The following COP1 variants were observed in gnomAD, a reference collection of about 807,000 sequenced individuals.
The protein encoded by COP1 is COP1 E3 ubiquitin ligase.
Under a neutral mutation model 101.3 loss-of-function variants are expected in COP1, and 24 were observed. The ratio of observed to expected loss-of-function variants is 0.24; its 90% confidence interval spans 0.17 to 0.33. The LOEUF (loss-of-function observed/expected upper bound fraction) is 0.33. COP1 is among the 10% of genes least tolerant of loss of function. COP1 has a pLI of 1.00. For missense variants in COP1, 663 were observed against 906.2 expected, an observed-to-expected ratio of 0.73 and a Z score of 3.45; for synonymous variants, 347 against 341.9, an observed-to-expected ratio of 1.01 and a Z score of -0.17.
chr1:176,131,587 G>A (rs1688903956), intron 8 of COP1, among the ~76,000 whole-genome samples: 2 of 151,754 alleles, frequency 1.3e-5, no homozygotes, highest in Admixed American at 6.6e-5. Context: ...AAACTTTTTA[G>A]TGAGGAATAA....
At chr1:176,113,088 T>C (rs1685570744) in intron 9 of COP1, among the ~76,000 whole-genome samples, 1 of 152,186 alleles carries the variant, frequency 6.6e-6, no homozygotes, top group Non-Finnish European at 1.5e-5. Flanking sequence ...TGTTGGAACA[T>C]ATGACAGTTC....
At chr1:176,028,168 A>C (rs1484019948) in intron 14 of COP1, among the ~76,000 whole-genome samples, 4 of 152,182 alleles carry the variant, frequency 2.6e-5, no homozygotes, top group Non-Finnish European at 5.9e-5. Context: ...TCATAATTCA[A>C]GGTGAGATCT....
chr1:176,034,989 G>A (rs1669236473), intron 14 of COP1, among the ~76,000 whole-genome samples: 1 of 152,014 alleles, frequency 6.6e-6, no homozygotes, highest in South Asian at 2.1e-4. Flanking sequence ...AATTTAAACA[G>A]GACCCAACAT....
At chr1:176,039,797 A>G (rs970408049) in intron 14 of COP1, among the ~76,000 whole-genome samples, 5 of 152,142 alleles carry the variant, frequency 3.3e-5, no homozygotes, top group Admixed American at 6.5e-5. Flanking sequence ...AGGGTGCCAG[A>G]CCATTCAATA....
chr1:176,009,434 T>C (rs141022836), intron 15 of COP1, among the ~76,000 whole-genome samples: 89 of 152,318 alleles, frequency 5.8e-4, no homozygotes, highest in African/African-American at 2.0e-3. Flanking sequence ...CGTATTCTCA[T>C]GTTAATACAA....
At chr1:176,124,864 A>T (rs1227492020) in intron 8 of COP1, among the ~76,000 whole-genome samples, 1 of 152,162 alleles carries the variant, frequency 6.6e-6, no homozygotes, top group African/African-American at 2.4e-5. Context: ...TAGTGGTTGT[A>T]CTAAATTACA....
intron 1 of COP1, 160 bp downstream of exon 1, chr1:176,206,412 C>T: frequency 2.7e-6 from 2 of 749,638 alleles, no homozygotes; most frequent in Non-Finnish European, 4.2e-6. Flanking sequence ...ACCAGGAGCT[C>T]GAATGCCTGC....
intron 14 of COP1, among the ~76,000 whole-genome samples, chr1:176,032,343 C>A (rs973472082): frequency 6.6e-6 from 1 of 152,102 alleles, no homozygotes; most frequent in African/African-American, 2.4e-5. Context: ...ATACTGTTTA[C>A]CAAATATAAA....
At chr1:176,105,105 T>A (rs1202954369) in intron 9 of COP1, among the ~76,000 whole-genome samples, 1 of 152,128 alleles carries the variant, frequency 6.6e-6, no homozygotes, top group Admixed American at 6.6e-5. Context: ...TCTGTAAATC[T>A]GACTAATAAA....
At chr1:176,060,413 A>C (rs1270147404) in intron 11 of COP1, among the ~76,000 whole-genome samples, 6 of 152,322 alleles carry the variant, frequency 3.9e-5, no homozygotes, top group African/African-American at 1.4e-4. Flanking sequence ...TGAAAAAGAA[A>C]ATATATTTTT....
chr1:176,120,772 C>G lies in COP1; in HGVS notation c.969-4091G>C, dbSNP rs549675254. 5.9e-5 allele frequency among the ~76,000 whole-genome samples: 9 copies of G among 152,030 alleles called. No homozygotes were observed. The East Asian group carries it at 1.7e-3, about 29-fold the overall frequency. On this transcript the variant is annotated intron_variant, in intron 8 of 19. Transcript: ENST00000367669. ...GAGGTATACCATAATGAAGAGGTAG[C>G]CAAGAGAAAACAATGGTTCACTCTT... is the stretch of plus-strand genomic sequence containing the variant.
intron 14 of COP1, among the ~76,000 whole-genome samples, chr1:176,041,146 T>C (rs184038385): frequency 2.0e-5 from 3 of 152,136 alleles, no homozygotes; most frequent in Non-Finnish European, 1.5e-5. Flanking sequence ...ATGCAGCACA[T>C]AGAGATTTCT....
intron 15 of COP1, among the ~76,000 whole-genome samples, chr1:176,006,232 C>G (rs1300958490): frequency 6.6e-6 from 1 of 151,988 alleles, no homozygotes; most frequent in African/African-American, 2.4e-5. Flanking sequence ...TATTTTGAGC[C>G]TATGTGTGTC....
At chr1:175,980,826 G>A (rs967052862) in intron 18 of COP1, among the ~76,000 whole-genome samples, 2 of 151,986 alleles carry the variant, frequency 1.3e-5, no homozygotes, top group Non-Finnish European at 1.5e-5. Flanking sequence ...CGTATGTTAC[G>A]GTTCAGAGCT....
At chr1:175,951,466 A>T (rs1164086916) in intron 18 of COP1, among the ~76,000 whole-genome samples, 1 of 143,112 alleles carries the variant, frequency 7.0e-6, no homozygotes, top group Admixed American at 6.9e-5. Flanking sequence ...ATATATAAAA[A>T]CTTCCATTTT....
intron 15 of COP1, among the ~76,000 whole-genome samples, chr1:176,007,162 A>G (rs1571616994): frequency 6.6e-6 from 1 of 151,990 alleles, no homozygotes; most frequent in African/African-American, 2.4e-5. Context: ...TGCATTCTTC[A>G]CGTAGTTCTC....
rs1021151384 is a variant in COP1, at chr1:176,006,353, A to G, written c.1730-16874T>C. 2.6e-5 allele frequency among the ~76,000 whole-genome samples: 4 copies of G among 152,072 alleles called. No homozygotes were observed. In the East Asian group the frequency reaches 7.7e-4, roughly 29 times the overall value. On this transcript the variant is annotated intron_variant, in intron 15 of 19. Coordinates refer to ENST00000367669, the MANE Select transcript of COP1 (RefSeq NM_022457.7). ...GGAGCATTTAGTCTATTTATATTTA[A>G]AGTTAATATTGTTATGTGTGAATTT...
chr1:176,063,361 G>A (rs1168516576), intron 11 of COP1, among the ~76,000 whole-genome samples: 2 of 152,138 alleles, frequency 1.3e-5, no homozygotes, highest in African/African-American at 2.4e-5. Flanking sequence ...CGCCTGGCCC[G>A]AAAATGTTTT....
At chr1:176,160,641 A>G (rs984331057) in intron 5 of COP1, among the ~76,000 whole-genome samples, 2 of 152,334 alleles carry the variant, frequency 1.3e-5, no homozygotes, top group African/African-American at 4.8e-5. Context: ...TCAAAAGAAG[A>G]CATTTATGTG....
Sources: allele counts gnomAD v4.1 joint callset (sites outside exome capture counted in the v4.1 genomes callset), GRCh38; gene constraint gnomAD v4.1.1; transcripts MANE v1.5; gene names NCBI Gene and HGNC (gene_info 2026-07-23, HGNC 2026-07-21).